The following MACROD2 variants were observed in gnomAD, a reference collection of about 807,000 sequenced individuals.
MACROD2 encodes the protein ADP-ribose glycohydrolase MACROD2.
In MACROD2, 36 loss-of-function variants were observed where a neutral mutation model predicts 70.4. The observed-to-expected ratio is 0.51, with a 90% CI of 0.39 to 0.68. The LOEUF (loss-of-function observed/expected upper bound fraction) is 0.68. Ranked by LOEUF, MACROD2 falls within the 30% of genes least tolerant of loss-of-function variation. The pLI, the probability that MACROD2 is intolerant of heterozygous loss-of-function variation, is 0.00. For missense variants in MACROD2, 496 were observed against 538.4 expected (o/e 0.92, Z 0.78); for synonymous variants, 172 against 178.8 (o/e 0.96, Z 0.30).
intron 5 of MACROD2, among the ~76,000 whole-genome samples, chr20:14,744,033 A>T (rs2071767834): frequency 6.6e-6 from 1 of 152,190 alleles, no homozygotes; most frequent in East Asian, 1.9e-4. Flanking sequence ...GACTCCAGAA[A>T]AAAAATCAGC....
At chr20:14,003,461 C>T (rs549929713) in intron 2 of MACROD2, 155 of 187,556 alleles carry the variant, frequency 8.3e-4, no homozygotes, top group Middle Eastern at 2.4e-3. Context: ...CTAATGGGGT[C>T]ATTGGACAAG....
intron 5 of MACROD2, among the ~76,000 whole-genome samples, chr20:14,912,429 A>G (rs2074038981): frequency 6.6e-6 from 1 of 152,218 alleles, no homozygotes; most frequent in South Asian, 2.1e-4. Context: ...TAAAGTATAT[A>G]TTTAGAGCAA....
intron 3 of MACROD2, among the ~76,000 whole-genome samples, chr20:14,492,941 AGCATTGTTTAAC>A (rs2084811136): frequency 6.6e-6 from 1 of 152,240 alleles, no homozygotes; most frequent in South Asian, 2.1e-4. Flanking sequence ...GAAATAGCAC[AGCATTGTTTAAC>A]GTTTATTTCT....
intron 8 of MACROD2, among the ~76,000 whole-genome samples, chr20:15,678,328 T>C (rs2050100893): frequency 1.3e-5 from 2 of 151,490 alleles, no homozygotes; most frequent in East Asian, 3.9e-4. Context: ...ATGGTGCCAC[T>C]GCACTCCAGC....
At chr20:15,809,577 A>C (rs1299884813) in intron 8 of MACROD2, among the ~76,000 whole-genome samples, 1 of 152,138 alleles carries the variant, frequency 6.6e-6, no homozygotes, top group Non-Finnish European at 1.5e-5. Context: ...CTCTTTTAAA[A>C]CAACCAACTC....
chr20:14,754,913 C>T (rs2071920620), intron 5 of MACROD2, among the ~76,000 whole-genome samples: 1 of 150,392 alleles, frequency 6.6e-6, no homozygotes, highest in Non-Finnish European at 1.5e-5. Context: ...TTTGTTGTTG[C>T]TTATTGACAG....
At chr20:15,685,489 G>A (rs1185229613) in intron 8 of MACROD2, among the ~76,000 whole-genome samples, 2 of 152,202 alleles carry the variant, frequency 1.3e-5, no homozygotes, top group African/African-American at 4.8e-5. Context: ...AGAATTGAGA[G>A]GTCATTGAGA....
At chr20:14,980,687 T>G (rs2074788918) in intron 5 of MACROD2, among the ~76,000 whole-genome samples, 1 of 152,154 alleles carries the variant, frequency 6.6e-6, no homozygotes, top group South Asian at 2.1e-4. Flanking sequence ...GACACTACAT[T>G]ATTCTTTACC....
intron 4 of MACROD2, among the ~76,000 whole-genome samples, chr20:14,630,767 A>G (rs1235295127): frequency 6.6e-6 from 1 of 152,214 alleles, no homozygotes; most frequent in African/African-American, 2.4e-5. Context: ...TCTACATTTG[A>G]AAGAGTTCCT....
chr20:14,883,012 A>G (rs984968), intron 5 of MACROD2, among the ~76,000 whole-genome samples: 45,416 of 152,010 alleles, frequency 0.3, 7,250 homozygotes, highest in East Asian at 0.51. Flanking sequence ...CATCTTCATG[A>G]AACAGAGGCC....
chr20:14,100,418 TTATAG>T (rs1345488578), intron 3 of MACROD2, among the ~76,000 whole-genome samples: 1 of 150,464 alleles, frequency 6.6e-6, no homozygotes, highest in Non-Finnish European at 1.5e-5. Context: ...GTCTAATTTC[TTATAG>T]TATTAATAAT....
intron 2 of MACROD2, among the ~76,000 whole-genome samples, chr20:14,021,269 G>A (rs766662079): frequency 1.2e-4 from 18 of 152,248 alleles, no homozygotes; most frequent in South Asian, 4.1e-4. Flanking sequence ...GATTACAGGC[G>A]TGAGCCACCA....
intron 5 of MACROD2, among the ~76,000 whole-genome samples, chr20:15,063,300 C>A (rs931729268): frequency 1.3e-5 from 2 of 152,208 alleles, no homozygotes; most frequent in Non-Finnish European, 2.9e-5. Flanking sequence ...ACAGGAAATG[C>A]TTCAACTCCC....
chr20:14,313,078 A>T (rs967057546), intron 3 of MACROD2, among the ~76,000 whole-genome samples: 2 of 152,342 alleles, frequency 1.3e-5, no homozygotes, highest in Admixed American at 1.3e-4. Flanking sequence ...TTAAATTTTT[A>T]AAGAGATTCT....
At chr20:15,047,435 ACAC>A in intron 5 of MACROD2, among the ~76,000 whole-genome samples, 1 of 152,260 alleles carries the variant, frequency 6.6e-6, no homozygotes, top group Middle Eastern at 3.4e-3. Flanking sequence ...AAAATACAGG[ACAC>A]TTATGGAATT....
intron 5 of MACROD2, among the ~76,000 whole-genome samples, chr20:14,799,633 T>A (rs779659029): frequency 2.6e-5 from 4 of 152,074 alleles, no homozygotes. Flanking sequence ...TTTGTGTGTT[T>A]CCTTAGAAGT....
intron 9 of MACROD2, among the ~76,000 whole-genome samples, chr20:15,875,356 G>A (rs1427682285): frequency 6.6e-6 from 1 of 152,072 alleles, no homozygotes; most frequent in Non-Finnish European, 1.5e-5. Flanking sequence ...AAAAACTAGA[G>A]TAAAAGAATT....
intron 4 of MACROD2, among the ~76,000 whole-genome samples, chr20:14,614,895 A>G (rs1983385715): frequency 6.6e-6 from 1 of 152,134 alleles, no homozygotes. Flanking sequence ...CTAACCATGT[A>G]TAAGTGCTGT....
At chr20:14,816,876 A>T (rs991747982) in intron 5 of MACROD2, among the ~76,000 whole-genome samples, 1 of 152,112 alleles carries the variant, frequency 6.6e-6, no homozygotes, top group Non-Finnish European at 1.5e-5. Flanking sequence ...AACTGAAAAA[A>T]AAATAAATAA....
Sources: allele counts gnomAD v4.1 joint callset (sites outside exome capture counted in the v4.1 genomes callset), GRCh38; gene constraint gnomAD v4.1.1; transcripts MANE v1.5; gene names NCBI Gene and HGNC (gene_info 2026-07-23, HGNC 2026-07-21).